Variants in FAT4 observed in about 807,000 individuals in gnomAD.
FAT4 encodes FAT atypical cadherin 4.
FAT4 carries 84 observed loss-of-function variants against 303.9 expected under a neutral mutation model. The observed-to-expected ratio is 0.28, with a 90% confidence interval of 0.23 to 0.33. The LOEUF is 0.33. Among genes scored for constraint, FAT4 ranks in the 10% least tolerant of loss-of-function variants. The pLI is 1.00. For synonymous variants in FAT4, 2,307 were observed against 2,298.8 expected (o/e 1.00, Z -0.10); for missense variants, 6,005 against 6,146.8 (o/e 0.98, Z 0.77).
Position 125,321,544 on chromosome 4 carries a change from C to T in FAT4, c.5133C>T (p.Ala1711=). 1.9e-6 allele frequency: 3 copies of T among 1,612,198 alleles called. No individual in the cohort carries two copies. The highest frequency in any genetic ancestry group is 2.2e-5 in the East Asian group (1 of 44,852). ...GACLYLVDVY[A]IEKSTAFPRT... is the part of the protein sequence containing the mutation. The stretch of plus-strand genomic sequence containing the variant: ...GTCTTTACCTGGTGGATGTTTATGC[C>T]ATAGAAAAATCAACTGCTTTTCCCA... Residue 1711 remains alanine, a synonymous_variant, in exon 2 of 18, where the codon GCC becomes GCT. Transcript: ENST00000394329.
intron 3 of FAT4, among the ~76,000 whole-genome samples, chr4:125,400,532 G>A (rs1397342722): frequency 1.3e-5 from 2 of 151,566 alleles, no homozygotes; most frequent in Admixed American, 1.3e-4. Flanking sequence ...TCTGACTTCC[G>A]TGTGTGTGTT....
chr4:125,454,694 G>A lies in FAT4; in HGVS notation c.11800+1884G>A, dbSNP rs28505933. Among the ~76,000 whole-genome samples, 276 of 152,180 alleles carry A rather than the reference G, an allele frequency of 1.8e-3. 1 individual carries two copies. The highest frequency in any genetic ancestry group is 3.2e-3 in the African/African-American group (132 of 41,512). On this transcript the variant is annotated intron_variant, in intron 10 of 17. Coordinates refer to ENST00000394329, the MANE Select transcript of FAT4 (RefSeq NM_001291303.3). Reference sequence around the variant, plus strand: ...CTAAAAATACAAAAATTAGCTGGGCGTGGTGGCAGGTGCCTGTAATCTCAG... The same window carrying A: ...CTAAAAATACAAAAATTAGCTGGGCATGGTGGCAGGTGCCTGTAATCTCAG...
chr4:125,378,549 T>C (rs1733421055), intron 2 of FAT4, among the ~76,000 whole-genome samples: 1 of 152,050 alleles, frequency 6.6e-6, no homozygotes, highest in Admixed American at 6.6e-5. Context: ...AATTTGAAAA[T>C]TATAGAAAAT....
chr4:125,420,341 C>G (rs1485552403), intron 7 of FAT4, among the ~76,000 whole-genome samples: 1 of 152,114 alleles, frequency 6.6e-6, no homozygotes, highest in African/African-American at 2.4e-5. Flanking sequence ...GGACCTGCAA[C>G]ATAATAGGTG....
chr4:125,386,452 T>C (rs1733752824), intron 2 of FAT4, among the ~76,000 whole-genome samples: 1 of 152,072 alleles, frequency 6.6e-6, no homozygotes, highest in Non-Finnish European at 1.5e-5. Flanking sequence ...GTATTTTTAG[T>C]AGAGACAGGG....
chr4:125,321,045 C>T lies in FAT4; in HGVS notation c.4634C>T (p.Ser1545Phe), dbSNP rs1730918713. ...LAADPSAVIGSVLTTIMAADP... is the reference protein window; with the variant it reads ...LAADPSAVIGFVLTTIMAADP... ...GCAGACCCATCAGCTGTGATTGGTTCCGTTCTGACAACAATTATGGCTGCT... is the reference window on the plus strand; with the variant it reads ...GCAGACCCATCAGCTGTGATTGGTTTCGTTCTGACAACAATTATGGCTGCT... The change falls in exon 2 of 18, where the codon TCC (serine) becomes TTC (phenylalanine). Residue 1545 changes from serine (S) to phenylalanine (F), a missense_variant. Transcript: ENST00000394329. 2 of 1,614,154 alleles carry T rather than the reference C, an allele frequency of 1.2e-6. No homozygotes were observed. The highest frequency in any genetic ancestry group is 1.7e-6 in the Non-Finnish European group (2 of 1,180,012).
chr4:125,403,322 C>T (rs1205297729), intron 3 of FAT4, among the ~76,000 whole-genome samples: 1 of 151,998 alleles, frequency 6.6e-6, no homozygotes, highest in African/African-American at 2.4e-5. Context: ...AGCACAAATT[C>T]AACCACAAAA....
rs1047291614 is a variant in FAT4 at position 125,319,680 on chromosome 4, T to C, written c.3269T>C (p.Leu1090Ser). ...LSATVNVTVILEDVNDNRPLF... is the reference protein window; with the variant it reads ...LSATVNVTVISEDVNDNRPLF... ...GCTACTGTGAATGTTACTGTAATTT[T>C]AGAAGATGTAAATGATAACAGACCT... The change falls in exon 2 of 18, where the codon TTA becomes TCA. Residue 1090 changes from leucine to serine, a missense_variant. By Grantham distance (145) the Leu-to-Ser change is moderately radical. Transcript: ENST00000394329. 6.2e-7 allele frequency: 1 copy of C among 1,613,968 alleles called. No homozygotes were observed.
chr4:125,348,958 A>G (rs893706893), intron 2 of FAT4, among the ~76,000 whole-genome samples: 3 of 151,832 alleles, frequency 2.0e-5, no homozygotes, highest in Non-Finnish European at 4.4e-5. Flanking sequence ...CAAATCAGGA[A>G]GATTAGAAAC....
chr4:125,318,221 A>T lies in FAT4; in HGVS notation c.1810A>T (p.Met604Leu). ...ENAPTGTELL[M>L]LRATDGDLGD... ...TGCCCCAACAGGGACAGAACTGTTG[A>T]TGCTCAGGGCAACTGACGGGGACCT... The change falls in exon 2 of 18, where the codon ATG becomes TTG. Residue 604 changes from methionine (M) to leucine (L), a missense_variant. Transcript: ENST00000394329. 4 of 1,614,212 alleles carry T rather than the reference A, an allele frequency of 2.5e-6. No homozygotes were observed. Among genetic ancestry groups the T allele is most frequent in the Non-Finnish European group, 3.4e-6 (4 of 1,180,042 alleles).
chr4:125,374,291 G>A (rs1733234387), intron 2 of FAT4, among the ~76,000 whole-genome samples: 1 of 152,176 alleles, frequency 6.6e-6, no homozygotes, highest in Non-Finnish European at 1.5e-5. Context: ...ATCACATTTG[G>A]ATATCTTTGA....
chr4:125,362,531 T>C (rs1185873480), intron 2 of FAT4, among the ~76,000 whole-genome samples: 1 of 152,168 alleles, frequency 6.6e-6, no homozygotes, highest in Non-Finnish European at 1.5e-5. Flanking sequence ...AAGCGAAGAA[T>C]TGGGTAGAGG....
At chr4:125,354,224 C>A (rs955482692) in intron 2 of FAT4, among the ~76,000 whole-genome samples, 4 of 151,598 alleles carry the variant, frequency 2.6e-5, no homozygotes, top group African/African-American at 9.7e-5. Context: ...TTATCGTTTT[C>A]CCTAGTCAGA....
intron 7 of FAT4, among the ~76,000 whole-genome samples, chr4:125,432,967 A>G (rs746975333): frequency 2.8e-4 from 42 of 152,120 alleles, no homozygotes; most frequent in Non-Finnish European, 1.0e-4. Flanking sequence ...AAAATAACAG[A>G]TCTCCAAAAC....
chr4:125,372,828 A>G (rs536707519), intron 2 of FAT4, among the ~76,000 whole-genome samples: 1 of 152,298 alleles, frequency 6.6e-6, no homozygotes, highest in South Asian at 2.1e-4. Context: ...ACATGGAAAT[A>G]AAAGTTAAGA....
intron 5 of FAT4, among the ~76,000 whole-genome samples, 199 bp from the exon 6 acceptor site, chr4:125,414,685 T>A (rs1321177618): frequency 6.6e-6 from 1 of 152,178 alleles, no homozygotes; most frequent in Non-Finnish European, 1.5e-5. Flanking sequence ...ATTTTTCTCC[T>A]CTTTACTTTT....
At chr4:125,465,411 C>T (rs1390549932) in intron 11 of FAT4, among the ~76,000 whole-genome samples, 1 of 152,084 alleles carries the variant, frequency 6.6e-6, no homozygotes, top group East Asian at 1.9e-4. Context: ...CATGGTTTAA[C>T]TTAACATTTT....
intron 2 of FAT4, among the ~76,000 whole-genome samples, chr4:125,369,765 T>C (rs1259319514): frequency 1.3e-5 from 2 of 152,198 alleles, no homozygotes; most frequent in African/African-American, 4.8e-5. Flanking sequence ...CATTAAACAC[T>C]AACTTTCCAT....
chr4:125,415,901 T>A, intron 6 of FAT4, 95 bp downstream of exon 6: 1 of 905,132 alleles, frequency 1.1e-6, no homozygotes, highest in Non-Finnish European at 1.6e-6. Flanking sequence ...TCCCCTGTTC[T>A]CTCCTCATTC....
Sources: gnomAD v4.1 joint callset for allele counts (sites outside exome capture counted in the v4.1 genomes callset) on GRCh38, gnomAD v4.1.1 for gene constraint, MANE v1.5 for transcripts, NCBI Gene and HGNC (gene_info 2026-07-23, HGNC 2026-07-21) for gene names.